Variants in DDC observed in about 807,000 individuals in gnomAD.
DDC encodes aromatic-L-amino-acid decarboxylase.
In DDC, 43 loss-of-function variants were observed where a neutral mutation model predicts 60.0. That is an observed-to-expected ratio of 0.72 (90% CI 0.56 to 0.92). The LOEUF (loss-of-function observed/expected upper bound fraction) is 0.92, where lower values mean the gene tolerates loss of function less well. Ranked by LOEUF, DDC falls within the 40% of genes least tolerant of loss-of-function variation. The pLI is 0.00. For missense variants in DDC, 573 were observed against 620.2 expected, an observed-to-expected ratio of 0.92 and a Z score of 0.81; for synonymous variants, 232 against 234.6, an observed-to-expected ratio of 0.99 and a Z score of 0.10.
At chr7:50,493,587 C>T (rs2043057269) in intron 9 of DDC, among the ~76,000 whole-genome samples, 1 of 152,200 alleles carries the variant, frequency 6.6e-6, no homozygotes, top group African/African-American at 2.4e-5. Flanking sequence ...ACTGTCCTCA[C>T]TGTGTTCCAC....
At chr7:50,517,914 GAA>G in intron 6 of DDC, among the ~76,000 whole-genome samples, 1 of 148,562 alleles carries the variant, frequency 6.7e-6, no homozygotes. Flanking sequence ...ATTGCTGAAA[GAA>G]ATCATAGATG....
chr7:50,539,941 C>G lies in DDC; in HGVS notation c.289G>C (p.Ala97Pro). The change falls in exon 3 of 15, where the codon GCC becomes CCC. Residue 97 changes from alanine to proline, a missense_variant. Coordinates refer to ENST00000444124, the MANE Select transcript of DDC (RefSeq NM_001082971.2). ...CAGGAGAAGCCGATGCAGCCAATGG[C>G]CCCGCACAGCATGTCCGCAAGCATG... is the stretch of plus-strand genomic sequence containing the variant. The part of the protein sequence containing the change: ...PAMLADMLCG[A>P]IGCIGFSWAA... 6.2e-7 allele frequency: 1 copy of G among 1,613,934 alleles called. No homozygotes were observed. Among genetic ancestry groups the G allele is most frequent in the South Asian group, 1.1e-5 (1 of 91,060 alleles).
At chr7:50,562,890 G>A (rs796928685) in intron 1 of DDC, among the ~76,000 whole-genome samples, 20 of 152,148 alleles carry the variant, frequency 1.3e-4, no homozygotes, top group African/African-American at 4.3e-4. Flanking sequence ...CCAGACTGCC[G>A]GGCCCAGTGG....
Position 50,468,230 on chromosome 7 carries a change from T to C in DDC, c.1141-915A>G, listed in dbSNP as rs188459222. The stretch of plus-strand genomic sequence containing the variant: ...GAGAGCGCCAAAGACCTCGGCCTCA[T>C]GGGCGATCCCGAAAGCCGGTTCCCG... On this transcript the variant is annotated intron_variant, in intron 12 of 14. Coordinates refer to ENST00000444124, the MANE Select transcript of DDC (RefSeq NM_001082971.2). 2.1e-4 allele frequency among the ~76,000 whole-genome samples: 32 copies of C among 152,344 alleles called. No homozygotes were observed. In the East Asian group the frequency reaches 6.0e-3, roughly 29 times the overall value.
chr7:50,475,569 G>T (rs1171747514), intron 11 of DDC, among the ~76,000 whole-genome samples: 1 of 152,194 alleles, frequency 6.6e-6, no homozygotes, highest in African/African-American at 2.4e-5. Flanking sequence ...AGCCCCTGCT[G>T]GGTCATTATC....
chr7:50,490,869 T>C (rs1027700148), intron 9 of DDC, among the ~76,000 whole-genome samples: 1 of 152,232 alleles, frequency 6.6e-6, no homozygotes, highest in Non-Finnish European at 1.5e-5. Context: ...AACTAAAACT[T>C]ATTTTACAAA....
At chr7:50,524,998 G>C (rs141726573) in intron 6 of DDC, among the ~76,000 whole-genome samples, 89 of 152,298 alleles carry the variant, frequency 5.8e-4, no homozygotes, top group African/African-American at 2.0e-3. Flanking sequence ...CTGTGGTGCA[G>C]CAACGAAAAG....
intron 9 of DDC, among the ~76,000 whole-genome samples, chr7:50,492,087 GA>G (rs11330628): frequency 0.53 from 80,813 of 151,990 alleles, 21,676 homozygotes; most frequent in Non-Finnish European, 0.57. Context: ...AGGACAGGGA[GA>G]AGACAGCCAT....
intron 9 of DDC, among the ~76,000 whole-genome samples, chr7:50,488,882 A>T (rs1562996389): frequency 6.6e-6 from 1 of 152,204 alleles, no homozygotes; most frequent in Non-Finnish European, 1.5e-5. Flanking sequence ...CCGAGATAGT[A>T]ACTCTTTCAA....
At chr7:50,512,164 C>T (rs1334278115) in intron 6 of DDC, among the ~76,000 whole-genome samples, 1 of 152,042 alleles carries the variant, frequency 6.6e-6, no homozygotes, top group Non-Finnish European at 1.5e-5. Flanking sequence ...CTTTAAATGT[C>T]AAGATACAGA....
chr7:50,536,028 T>A (rs1194065252), intron 4 of DDC, among the ~76,000 whole-genome samples: 13 of 152,180 alleles, frequency 8.5e-5, no homozygotes. Flanking sequence ...TGGGAACTGC[T>A]TAGGCCAAAC....
intron 9 of DDC, among the ~76,000 whole-genome samples, chr7:50,481,069 G>A (rs2042757612): frequency 6.6e-6 from 1 of 152,176 alleles, no homozygotes. Flanking sequence ...TCTGACAGTA[G>A]CTTAGGCTTG....
intron 4 of DDC, among the ~76,000 whole-genome samples, chr7:50,532,911 G>A (rs1451805545): frequency 1.3e-5 from 2 of 152,200 alleles, no homozygotes; most frequent in Non-Finnish European, 2.9e-5. Flanking sequence ...ACAGCCAGGA[G>A]AGTCCTAGGA....
At chr7:50,469,273 A>G (rs1250253801) in intron 12 of DDC, among the ~76,000 whole-genome samples, 4 of 147,106 alleles carry the variant, frequency 2.7e-5, no homozygotes, top group African/African-American at 1.1e-4. Flanking sequence ...AAAAAAAAAA[A>G]AAAAGCAGGG....
chr7:50,528,462 G>C (rs983113344), intron 5 of DDC, among the ~76,000 whole-genome samples, 182 bp from the exon 6 acceptor site: 1 of 152,042 alleles, frequency 6.6e-6, no homozygotes. Context: ...TTTTTTCCTG[G>C]AGTTGTTTCT....
chr7:50,499,324 A>C (rs2043197550), intron 7 of DDC, 82 bp from the exon 8 acceptor site: 2 of 899,202 alleles, frequency 2.2e-6, no homozygotes, highest in South Asian at 2.8e-5. Flanking sequence ...CTGTCTGAGC[A>C]CCTTCTTGGG....
intron 9 of DDC, among the ~76,000 whole-genome samples, chr7:50,481,853 A>G (rs1256834117): frequency 6.6e-6 from 1 of 152,226 alleles, no homozygotes; most frequent in African/African-American, 2.4e-5. Flanking sequence ...GCATGTTTCT[A>G]TAATTTGCTT....
chr7:50,484,514 A>C (rs1041032177), intron 9 of DDC, among the ~76,000 whole-genome samples: 4 of 152,132 alleles, frequency 2.6e-5, no homozygotes, highest in Non-Finnish European at 5.9e-5. Context: ...TCATTGGCCC[A>C]TGTTTCTAAT....
rs766496759 is a variant in DDC, at chr7:50,543,999, G to C, written c.87C>G (p.Val29=). 6 of 1,613,972 alleles carry C rather than the reference G, an allele frequency of 3.7e-6. No homozygotes were observed. Among genetic ancestry groups the C allele is most frequent in the Non-Finnish European group, 5.1e-6 (6 of 1,179,836 alleles). The part of the protein sequence containing the change: ...NYMEGIEGRQ[V]YPDVEPGYLR... ...GGTACCCGGGCTCCACGTCAGGGTA[G>C]ACCTGGCGTCCCTCAATGCCTTCCA... The change falls in exon 2 of 15, where the codon GTC becomes GTG. Residue 29 remains valine (V), a synonymous_variant. Transcript: ENST00000444124.
Sources: allele counts gnomAD v4.1 joint callset (sites outside exome capture counted in the v4.1 genomes callset), GRCh38; gene constraint gnomAD v4.1.1; transcripts MANE v1.5; gene names NCBI Gene and HGNC (gene_info 2026-07-23, HGNC 2026-07-21).